The following KCNMB3 variants were observed in gnomAD, a reference collection of about 807,000 sequenced individuals.
KCNMB3 encodes the protein calcium-activated potassium channel subunit beta-3.
A neutral mutation model predicts 11.9 loss-of-function variants in KCNMB3; 18 were observed. The observed-to-expected ratio is 1.51, with a 90% CI of 1.04 to 2.23. The LOEUF (loss-of-function observed/expected upper bound fraction) is 2.23, where lower values mean the gene tolerates loss of function less well. Ranked by LOEUF, KCNMB3 falls within the 30% of genes most tolerant of loss-of-function variation. KCNMB3 has a pLI of 0.00. For missense variants in KCNMB3, 247 were observed against 329.4 expected (o/e 0.75, Z 1.94); for synonymous variants, 78 against 119.2 (o/e 0.65, Z 2.25).
rs189208615 is a variant in KCNMB3 at position 179,260,919 on chromosome 3, T to C, written c.62+5730A>G. 1.1e-3 allele frequency: 1,195 copies of C among 1,130,832 alleles called. 7 individuals are homozygous for C. The highest frequency in any genetic ancestry group is 3.4e-3 in the Admixed American group (173 of 51,208). The allele number at this position is 1,130,832 out of a possible 1,614,324, so 70.0% of individuals were successfully genotyped here. ...TTGTCTAACTGAGCATTGGAAAACA[T>C]AGCCTTCTTACATTTCTCTTCAACT... On this transcript the variant is annotated intron_variant, in intron 1 of 3. Transcript: ENST00000349697.
intron 1 of KCNMB3, chr3:179,259,446 G>C: frequency 1.9e-6 from 3 of 1,612,304 alleles, no homozygotes; most frequent in Non-Finnish European, 2.5e-6. Flanking sequence ...TACCTCCTCA[G>C]CTGCTGTTTT....
intron 1 of KCNMB3, among the ~76,000 whole-genome samples, chr3:179,264,842 A>G (rs546380303): frequency 6.6e-6 from 1 of 152,306 alleles, no homozygotes; most frequent in Admixed American, 6.5e-5. Context: ...ATTTCCCTGT[A>G]ATTCGTTTTG....
upstream of KCNMB3, chr3:179,251,784 T>C (rs959884930): frequency 8.3e-6 from 2 of 239,546 alleles, no homozygotes; most frequent in Non-Finnish European, 1.4e-5. Context: ...CTGGGTACGA[T>C]CTCAGTTCAC....
upstream of KCNMB3, chr3:179,251,569 C>A: frequency 9.1e-7 from 1 of 1,097,090 alleles, no homozygotes; most frequent in Non-Finnish European, 1.2e-6. Flanking sequence ...CTCCACTGTG[C>A]CTGCAAACCT....
downstream of KCNMB3, chr3:179,240,703 A>G (rs1486704696): frequency 6.6e-6 from 1 of 152,186 alleles, no homozygotes; most frequent in Admixed American, 6.6e-5. Flanking sequence ...GGAATGAATC[A>G]GGTAGCTCCT....
chr3:179,266,904 C>T, exon 1 of KCNMB3: 3 of 1,418,768 alleles, frequency 2.1e-6, no homozygotes, highest in Non-Finnish European at 2.8e-6. Context: ...CCACGTGGTT[C>T]TGCAGACTCC....
chr3:179,266,533 G>T (rs1726373422), intron 1 of KCNMB3: 1 of 1,198,134 alleles, frequency 8.3e-7, no homozygotes. Context: ...ATGGCAAGTG[G>T]GCATCCTCAG....
Position 179,258,815 on chromosome 3 carries a change from T to C in KCNMB3, c.62+7834A>G, listed in dbSNP as rs1193712119. ...TTAGAATGTACACTGATAACAAATA[T>C]GTCTTTCTAATCTGGGTGATAACCT... On this transcript the variant is annotated intron_variant, in intron 1 of 3. Coordinates refer to the KCNMB3 transcript ENST00000349697. 26 of 1,373,004 alleles carry C rather than the reference T, an allele frequency of 1.9e-5. No individual in the cohort carries two copies. In the Middle Eastern group the frequency reaches 1.3e-3, roughly 67 times the overall value. The allele number at this position is 1,373,004 out of a possible 1,614,324, so 85.1% of individuals were successfully genotyped here. A position where few individuals can be genotyped will look rare whatever the true frequency, so the allele number is the denominator to read the frequency against.
chr3:179,262,694 C>T (rs1230362358), intron 1 of KCNMB3, among the ~76,000 whole-genome samples: 1 of 152,188 alleles, frequency 6.6e-6, no homozygotes, highest in African/African-American at 2.4e-5. Flanking sequence ...CCCATTTTGA[C>T]AGGGTGCTGA....
chr3:179,250,586 C>G (rs1385625767), intron 1 of KCNMB3, among the ~76,000 whole-genome samples, 157 bp downstream of exon 1: 1 of 152,152 alleles, frequency 6.6e-6, no homozygotes, highest in Non-Finnish European at 1.5e-5. Flanking sequence ...CCAGCTGCCC[C>G]CAGCACTGAC....
chr3:179,266,645 T>C (rs942693283), intron 1 of KCNMB3: 4 of 1,613,942 alleles, frequency 2.5e-6, no homozygotes, highest in African/African-American at 2.7e-5. Flanking sequence ...CGGAAGTGAC[T>C]TACCTCCCCT....
At chr3:179,247,063 C>T (rs1043550634) in intron 1 of KCNMB3, among the ~76,000 whole-genome samples, 3 of 152,140 alleles carry the variant, frequency 2.0e-5, no homozygotes, top group African/African-American at 7.2e-5. Flanking sequence ...CAAAACTACT[C>T]GCTGAGATGG....
At chr3:179,249,461 G>GAGTTCAAAGT (rs1560156464) in intron 1 of KCNMB3, among the ~76,000 whole-genome samples, 1 of 151,898 alleles carries the variant, frequency 6.6e-6, no homozygotes, top group East Asian at 2.0e-4. Context: ...GAGTTCAAAG[G>GAGTTCAAAGT]TCAGGAGTTC....
exon 1 of KCNMB3, chr3:179,266,863 C>G: frequency 7.0e-7 from 1 of 1,435,326 alleles, no homozygotes; most frequent in Non-Finnish European, 9.1e-7. Flanking sequence ...CCCCCGCCTT[C>G]CTGGAGAGGT....
In KCNMB3 at chr3:179,244,647, T is replaced by C; in HGVS notation, c.295A>G (p.Met99Val). ...STCTAIHTDI[M>V]DDWLDCAFTC... ...AAGGCACAGTCCAGCCAGTCGTCCA[T>C]GATATCTGTGTGGATGGCAGTGCAG... Residue 99 changes from methionine to valine, a missense_variant, in exon 2 of 3, where the codon ATG becomes GTG. Coordinates refer to ENST00000392685, the MANE Select transcript of KCNMB3 (RefSeq NM_171830.2). 6.2e-7 allele frequency: 1 copy of C among 1,612,838 alleles called. No homozygotes were observed. The highest frequency in any genetic ancestry group is 8.5e-7 in the Non-Finnish European group (1 of 1,178,924).
chr3:179,251,030 GC>G lies in KCNMB3; in HGVS notation c.-41del. The G allele has an allele frequency of 6.2e-7, 1 of 1,614,204 alleles. No individual in the cohort carries two copies. The highest frequency in any genetic ancestry group is 1.1e-5 in the South Asian group (1 of 91,076). On this transcript the variant is annotated 5_prime_UTR_variant, in exon 1 of 3. Coordinates refer to ENST00000392685, the MANE Select transcript of KCNMB3 (RefSeq NM_171830.2). ...GACTGGAGGGATAATCTCATTTGCTGCCTACCTGTGTCTCGTGAGCAGGATG... is the reference window on the plus strand; with the variant it reads ...GACTGGAGGGATAATCTCATTTGCTGCTACCTGTGTCTCGTGAGCAGGATG...
chr3:179,261,133 C>A, intron 1 of KCNMB3: 2 of 1,327,010 alleles, frequency 1.5e-6, no homozygotes, highest in Non-Finnish European at 2.1e-6. Context: ...CCTTCTGCTG[C>A]CGCTCCAGCT....
downstream of KCNMB3, chr3:179,240,714 A>G (rs1189703007): frequency 6.6e-6 from 1 of 152,184 alleles, no homozygotes; most frequent in Non-Finnish European, 1.5e-5. Context: ...GGTAGCTCCT[A>G]TCTAAATGGA....
chr3:179,263,125 C>T (rs191995642), intron 1 of KCNMB3, among the ~76,000 whole-genome samples: 35 of 152,326 alleles, frequency 2.3e-4, no homozygotes, highest in African/African-American at 8.4e-4. Flanking sequence ...CAGGGAGGCT[C>T]GGGCGGCACA....
Sources: gnomAD v4.1 joint callset for allele counts (sites outside exome capture counted in the v4.1 genomes callset) on GRCh38, gnomAD v4.1.1 for gene constraint, MANE v1.5 for transcripts, NCBI Gene and HGNC (gene_info 2026-07-23, HGNC 2026-07-21) for gene names.